Variants in STK33 observed in about 807,000 individuals in gnomAD.
STK33 encodes the protein serine/threonine kinase 33.
Under a neutral mutation model 58.0 loss-of-function variants are expected in STK33, and 52 were observed. The observed-to-expected ratio is 0.90, with a 90% CI of 0.72 to 1.13. STK33 has a LOEUF of 1.13. Among genes scored for constraint, STK33 ranks in the 50% most tolerant of loss-of-function variants. The pLI is 0.00. For synonymous variants in STK33, 215 were observed against 200.1 expected (o/e 1.07, Z -0.63); for missense variants, 630 against 604.2 (o/e 1.04, Z -0.45).
At chr11:8,383,660 A>T in the STK33 span, among the ~76,000 whole-genome samples, 1 of 152,222 alleles carries the variant, frequency 6.6e-6, no homozygotes, top group Non-Finnish European at 1.5e-5. Flanking sequence ...TCAATTAATC[A>T]AGCGATAAGG....
intron 1 of STK33, among the ~76,000 whole-genome samples, chr11:8,529,909 G>A (rs1954380156): frequency 7.9e-5 from 12 of 152,192 alleles, no homozygotes; most frequent in Non-Finnish European, 1.5e-5. Context: ...ATTGTTTTAA[G>A]CCACTAAGTT....
the STK33 span, among the ~76,000 whole-genome samples, chr11:8,362,883 C>T: frequency 2.7e-5 from 4 of 149,864 alleles, no homozygotes; most frequent in African/African-American, 9.8e-5. Flanking sequence ...TCCCTCCCTC[C>T]CTCTTCCTTC....
At chr11:8,581,189 A>C (rs2030157594) in intron 1 of STK33, among the ~76,000 whole-genome samples, 1 of 152,138 alleles carries the variant, frequency 6.6e-6, no homozygotes, top group Admixed American at 6.6e-5. Flanking sequence ...CCCCTCACAC[A>C]GAAAGCCTTA....
chr11:8,380,440 A>G, the STK33 span, among the ~76,000 whole-genome samples: 4 of 152,000 alleles, frequency 2.6e-5, no homozygotes, highest in African/African-American at 9.7e-5. Flanking sequence ...GGCACCTGTA[A>G]TCCCAGCTAC....
intron 1 of STK33, among the ~76,000 whole-genome samples, chr11:8,561,529 A>T (rs1236066138): frequency 6.6e-6 from 1 of 152,002 alleles, no homozygotes; most frequent in Non-Finnish European, 1.5e-5. Context: ...ATCCTGTTTC[A>T]GTTCTTTTAG....
At chr11:8,447,323 G>A (rs1312221257) in intron 11 of STK33, among the ~76,000 whole-genome samples, 1 of 152,194 alleles carries the variant, frequency 6.6e-6, no homozygotes, top group Admixed American at 6.5e-5. Context: ...GCCTGGCAGA[G>A]ACACAACAAA....
chr11:8,591,538 C>G (rs544837189), intron 1 of STK33, among the ~76,000 whole-genome samples: 1 of 152,262 alleles, frequency 6.6e-6, no homozygotes, highest in East Asian at 1.9e-4. Context: ...GGTTAATACT[C>G]TCACTATAAC....
chr11:8,340,699 G>A, the STK33 span, among the ~76,000 whole-genome samples: 2 of 152,202 alleles, frequency 1.3e-5, no homozygotes, highest in East Asian at 3.8e-4. Flanking sequence ...CCCCATCTGA[G>A]TGATGACACA....
chr11:8,500,602 C>A (rs1951441404), intron 1 of STK33, among the ~76,000 whole-genome samples: 1 of 152,108 alleles, frequency 6.6e-6, no homozygotes, highest in Admixed American at 6.5e-5. Flanking sequence ...TTGGAAGAAT[C>A]AATACTCCCC....
Position 8,573,563 on chromosome 11 carries a change from G to A in STK33, c.-466+20520C>T, listed in dbSNP as rs190661777. 2.4e-3 allele frequency among the ~76,000 whole-genome samples: 361 copies of A among 152,312 alleles called. 1 individual carries two copies. The highest frequency in any genetic ancestry group is 3.4e-3 in the Middle Eastern group (1 of 294). On this transcript the variant is annotated intron_variant, in intron 1 of 15. Transcript: ENST00000687296. ...TAAAATTGACTTATTACATGACCCA[G>A]TCGTTGTACTCTTGGGCATTTATCC...
rs1201659768 is a variant in STK33, at chr11:8,475,023, T to C, written c.-118A>G. ...AAACTGTAATTTCGAACTGGTGAAGTCCTCAGGTTAAGGATGCACTAGACA... is the reference window on the plus strand; with the variant it reads ...AAACTGTAATTTCGAACTGGTGAAGCCCTCAGGTTAAGGATGCACTAGACA... On this transcript the variant is annotated 5_prime_UTR_variant, in exon 5 of 16. Transcript: ENST00000687296. 1 of 897,288 alleles carries C rather than the reference T, an allele frequency of 1.1e-6. No individual in the cohort carries two copies. The highest frequency in any genetic ancestry group is 1.7e-5 in the African/African-American group (1 of 59,166). The allele number at this position is 897,288 out of a possible 1,614,324, so 55.6% of individuals were successfully genotyped here.
chr11:8,566,721 T>C (rs914556066), intron 1 of STK33, among the ~76,000 whole-genome samples: 1 of 152,232 alleles, frequency 6.6e-6, no homozygotes, highest in Non-Finnish European at 1.5e-5. Context: ...AGCATACTTC[T>C]TTAATTTAGT....
At chr11:8,402,057 G>A (rs1203931489) in intron 15 of STK33, among the ~76,000 whole-genome samples, 5 of 151,838 alleles carry the variant, frequency 3.3e-5, no homozygotes, top group African/African-American at 9.7e-5. Flanking sequence ...AGTCAGTGTG[G>A]CGATTCCTCA....
chr11:8,517,698 A>T (rs554656712), intron 1 of STK33, among the ~76,000 whole-genome samples: 1 of 152,346 alleles, frequency 6.6e-6, no homozygotes, highest in East Asian at 1.9e-4. Context: ...CGCATGCACA[A>T]GCTTCAGTAG....
the STK33 span, among the ~76,000 whole-genome samples, chr11:8,362,710 A>G: frequency 1.3e-5 from 2 of 152,172 alleles, no homozygotes; most frequent in African/African-American, 4.8e-5. Flanking sequence ...GATCAGGCCC[A>G]GATCCTCCCT....
Position 8,461,789 on chromosome 11 carries a change from C to T in STK33, c.558+16G>A. On this transcript the variant is annotated intron_variant, in intron 8 of 15. Transcript: ENST00000687296. The stretch of plus-strand genomic sequence containing the variant: ...TAATAACAACTTTCAAAATGCAGCG[C>T]CTAATAGAGGTTTACCTTTGGCGTT... 1 of 1,546,842 alleles carries T rather than the reference C, an allele frequency of 6.5e-7. No individual in the cohort carries two copies. Among genetic ancestry groups the T allele is most frequent in the East Asian group, 2.4e-5 (1 of 41,122 alleles).
chr11:8,370,728 G>C, the STK33 span, among the ~76,000 whole-genome samples: 2 of 112,518 alleles, frequency 1.8e-5, no homozygotes, highest in Non-Finnish European at 3.9e-5. Context: ...CTGGGGGCTG[G>C]AGGGGCCCCG....
chr11:8,450,020 A>G (rs1591165689), intron 11 of STK33, among the ~76,000 whole-genome samples: 1 of 152,184 alleles, frequency 6.6e-6, no homozygotes, highest in South Asian at 2.1e-4. Flanking sequence ...CTAGAACTAG[A>G]AATACCATTT....
intron 1 of STK33, among the ~76,000 whole-genome samples, chr11:8,534,666 A>G (rs1184445137): frequency 1.3e-5 from 2 of 151,446 alleles, no homozygotes; most frequent in Non-Finnish European, 1.5e-5. Context: ...CTAAGGCATA[A>G]AAAAATGGCT....
Sources: gnomAD v4.1 joint callset for allele counts (sites outside exome capture counted in the v4.1 genomes callset) on GRCh38, gnomAD v4.1.1 for gene constraint, MANE v1.5 for transcripts, NCBI Gene and HGNC (gene_info 2026-07-23, HGNC 2026-07-21) for gene names.